EHHADH: variants seen among roughly 807,000 people sequenced by gnomAD.
EHHADH encodes enoyl-CoA hydratase and 3-hydroxyacyl CoA dehydrogenase.
Under a neutral mutation model 64.4 loss-of-function variants are expected in EHHADH, and 48 were observed. That is an observed-to-expected ratio of 0.75 (90% CI 0.59 to 0.95). The LOEUF (loss-of-function observed/expected upper bound fraction) is 0.95. Ranked by LOEUF, EHHADH falls within the 40% of genes least tolerant of loss-of-function variation. The probability of loss-of-function intolerance (pLI) is 0.00; values close to 1 mark genes in which losing one functional copy is unlikely to be tolerated. For synonymous variants in EHHADH, 308 were observed against 326.7 expected (o/e 0.94, Z 0.62); for missense variants, 854 against 876.6 (o/e 0.97, Z 0.33).
intron 4 of EHHADH, chr3:185,226,845 T>A (rs957051868): frequency 1.2e-4 from 18 of 152,248 alleles, no homozygotes; most frequent in African/African-American, 3.4e-4. Flanking sequence ...CTGAGAGTCA[T>A]CTCACTTTGA....
At chr3:185,193,712 A>G (rs190567757) in intron 6 of EHHADH, among the ~76,000 whole-genome samples, 6 of 152,332 alleles carry the variant, frequency 3.9e-5, no homozygotes, top group Non-Finnish European at 8.8e-5. Context: ...ATACAAACTA[A>G]TAAATGAGTC....
chr3:185,210,093 C>T (rs1027060002), intron 5 of EHHADH, among the ~76,000 whole-genome samples: 5 of 152,020 alleles, frequency 3.3e-5, no homozygotes, highest in South Asian at 2.1e-4. Context: ...GAGGCACAAG[C>T]GGAGGAGGAA....
chr3:185,244,148 T>A (rs1320339698), intron 2 of EHHADH, among the ~76,000 whole-genome samples: 1 of 152,228 alleles, frequency 6.6e-6, no homozygotes, highest in African/African-American at 2.4e-5. Flanking sequence ...ATCTGCTTTA[T>A]CTGATGTAAA....
In EHHADH at chr3:185,193,222, G is replaced by T; in HGVS notation, c.1176C>A (p.Val392=). The change falls in exon 7 of 7, where the codon GTC becomes GTA. Residue 392 remains valine, a synonymous_variant. Coordinates refer to ENST00000231887, the MANE Select transcript of EHHADH (RefSeq NM_001966.4). ...TGCACACAGCTGAGAGTTCAGCAAAGACCTGCTTCTTCAGGCTCATTTCCT... is the reference window on the plus strand; with the variant it reads ...TGCACACAGCTGAGAGTTCAGCAAATACCTGCTTCTTCAGGCTCATTTCCT... ...VFEEMSLKKQ[V]FAELSAVCKP... is the part of the protein sequence containing the mutation. The T allele has an allele frequency of 6.2e-7, 1 of 1,607,832 alleles. No individual in the cohort carries two copies. The highest frequency in any genetic ancestry group is 8.5e-7 in the Non-Finnish European group (1 of 1,177,784).
intron 5 of EHHADH, among the ~76,000 whole-genome samples, chr3:185,217,547 G>GAA (rs755192275): frequency 0.64 from 56,401 of 87,806 alleles, 19,336 homozygotes; most frequent in Non-Finnish European, 0.77. Context: ...CTCTGTCTCA[G>GAA]AAAAAAAAAA....
intron 4 of EHHADH, among the ~76,000 whole-genome samples, chr3:185,220,031 T>C (rs186469392): frequency 7.2e-4 from 110 of 152,284 alleles, no homozygotes; most frequent in Admixed American, 1.6e-3. Context: ...AAAATCACTT[T>C]GGTAAGGAGA....
rs143364521 is a variant in EHHADH at position 185,204,418 on chromosome 3, A to G, written c.908T>C (p.Val303Ala). 32 of 1,599,162 alleles carry G rather than the reference A, an allele frequency of 2.0e-5. No homozygotes were observed. In the African/African-American group the frequency reaches 2.7e-4, roughly 13 times the overall value. The change falls in exon 6 of 7, where the codon GTT becomes GCT. Residue 303 changes from valine (V) to alanine (A), a missense_variant and splice_region_variant. Transcript: ENST00000231887. ...CATTCATTACCCCATGGTCTTACCA[A>G]CAACACCAACTGAGGAGACAGGCCG... The part of the protein sequence containing the change: ...SARPVSSVGV[V>A]GLGTMGRGIV...
At chr3:185,222,497 T>C (rs763044181) in intron 4 of EHHADH, among the ~76,000 whole-genome samples, 4 of 152,256 alleles carry the variant, frequency 2.6e-5, no homozygotes, top group Non-Finnish European at 5.9e-5. Flanking sequence ...TTATGCAAAA[T>C]AATTATATAA....
chr3:185,203,283 T>C (rs1718282326), intron 6 of EHHADH, among the ~76,000 whole-genome samples: 1 of 152,124 alleles, frequency 6.6e-6, no homozygotes, highest in Non-Finnish European at 1.5e-5. Context: ...TAGTAAAACG[T>C]TAACATTTGG....
At chr3:185,235,512 T>C in intron 2 of EHHADH, 50 bp from the exon 3 acceptor site, 3 of 1,493,572 alleles carry the variant, frequency 2.0e-6, no homozygotes, top group Non-Finnish European at 2.7e-6. Context: ...TACATGGGCA[T>C]TGTTATATAA....
intron 4 of EHHADH, among the ~76,000 whole-genome samples, chr3:185,220,236 T>C (rs903925444): frequency 1.3e-5 from 2 of 152,242 alleles, no homozygotes; most frequent in African/African-American, 2.4e-5. Flanking sequence ...AGAGTACCAC[T>C]ACTATTCTAA....
At chr3:185,194,851 G>A (rs1239837947) in intron 6 of EHHADH, among the ~76,000 whole-genome samples, 1 of 123,006 alleles carries the variant, frequency 8.1e-6, no homozygotes, top group Non-Finnish European at 1.7e-5. Flanking sequence ...ATTTAAGACA[G>A]TGTAAGATAG....
chr3:185,253,475 C>T (rs1364440876), intron 1 of EHHADH, among the ~76,000 whole-genome samples: 2 of 147,928 alleles, frequency 1.4e-5, no homozygotes, highest in South Asian at 2.1e-4. Context: ...TATTAAATGA[C>T]GAGTTAATGG....
At position 185,191,620 on chromosome 3, in the gene EHHADH, T is replaced by C. The variant is rs1220627904; in HGVS notation, c.*606A>G. 1.3e-5 allele frequency: 2 copies of C among 152,318 alleles called. No individual in the cohort carries two copies. Among genetic ancestry groups the C allele is most frequent in the African/African-American group, 4.8e-5 (2 of 41,460 alleles). 9.4% of individuals were successfully genotyped at this position (152,318 alleles called of 1,614,324 possible). ...AATTGGGAAATCCTAGAAGGTTAGA[T>C]GTTCTCTAAGACCCTTCTTACACTA... On this transcript the variant is annotated 3_prime_UTR_variant, in exon 7 of 7. Coordinates refer to ENST00000231887, the MANE Select transcript of EHHADH (RefSeq NM_001966.4).
intron 2 of EHHADH, among the ~76,000 whole-genome samples, chr3:185,241,532 T>C (rs1388495188): frequency 5.9e-5 from 9 of 152,230 alleles, no homozygotes. Context: ...TGGTTTTGAT[T>C]TGCATTTCCC....
chr3:185,238,806 T>A (rs1249385601), intron 2 of EHHADH, among the ~76,000 whole-genome samples: 2 of 152,106 alleles, frequency 1.3e-5, no homozygotes, highest in Non-Finnish European at 2.9e-5. Context: ...TTAAGTCCCA[T>A]TCATCTATTT....
At chr3:185,196,599 C>T (rs995511599) in intron 6 of EHHADH, among the ~76,000 whole-genome samples, 8 of 151,974 alleles carry the variant, frequency 5.3e-5, no homozygotes, top group African/African-American at 1.7e-4. Context: ...GAAATCACGC[C>T]GTTGCACTCC....
intron 2 of EHHADH, 76 bp downstream of exon 2, chr3:185,248,338 G>A (rs752458126): frequency 3.8e-6 from 4 of 1,039,074 alleles, no homozygotes; most frequent in Non-Finnish European, 6.1e-6. Context: ...TTACCAACAA[G>A]CACAGCTAAT....
intron 1 of EHHADH, 57 bp from the exon 2 acceptor site, chr3:185,248,574 A>G: frequency 7.5e-7 from 1 of 1,327,366 alleles, no homozygotes; most frequent in Admixed American, 1.9e-5. Context: ...CCTACCATTC[A>G]GAGTGTTTTC....
Sources: allele counts gnomAD v4.1 joint callset (sites outside exome capture counted in the v4.1 genomes callset), GRCh38; gene constraint gnomAD v4.1.1; transcripts MANE v1.5; gene names NCBI Gene and HGNC (gene_info 2026-07-23, HGNC 2026-07-21).